CMIP: variants seen among roughly 807,000 people sequenced by gnomAD.
CMIP encodes the protein c-Maf inducing protein, also known as C-Maf-inducing protein.
CMIP carries 13 observed loss-of-function variants against 97.3 expected under a neutral mutation model. That is an observed-to-expected ratio of 0.13 (90% CI 0.09 to 0.21). The LOEUF (loss-of-function observed/expected upper bound fraction) is 0.21, where lower values mean the gene tolerates loss of function less well. CMIP is among the 10% of genes least tolerant of loss of function. CMIP has a pLI of 1.00. For missense variants in CMIP, 847 were observed against 1,024.9 expected (o/e 0.83, Z 2.37); for synonymous variants, 538 against 436.3 (o/e 1.23, Z -2.91).
At chr16:81,671,092 G>T (rs955632769) in intron 8 of CMIP, among the ~76,000 whole-genome samples, 1 of 152,194 alleles carries the variant, frequency 6.6e-6, no homozygotes. Context: ...GCCTCCCAAA[G>T]TGCTGGGATT....
chr16:81,650,021 A>C lies in CMIP; in HGVS notation c.478-2182A>C, dbSNP rs114176846. On this transcript the variant is annotated intron_variant, in intron 3 of 20. Coordinates refer to ENST00000537098, the MANE Select transcript of CMIP (RefSeq NM_198390.3). ...CTAGGACAGGGCGGCTTTGGTTGAC[A>C]GTAACTAGGAAGGAGGCTGGTTATG... Among the ~76,000 whole-genome samples the C allele has an allele frequency of 2.0e-5, 3 of 152,342 alleles. No individual in the cohort carries two copies. The East Asian group carries it at 5.8e-4, about 29-fold the overall frequency.
intron 1 of CMIP, among the ~76,000 whole-genome samples, chr16:81,514,290 C>T (rs924044761): frequency 3.3e-5 from 5 of 152,142 alleles, no homozygotes; most frequent in African/African-American, 7.2e-5. Context: ...GAAAGCTTCC[C>T]CTTTGTGGGG....
intron 1 of CMIP, among the ~76,000 whole-genome samples, chr16:81,502,494 C>G (rs1002477088): frequency 6.6e-6 from 1 of 152,142 alleles, no homozygotes; most frequent in African/African-American, 2.4e-5. Flanking sequence ...ACCCGCAGAA[C>G]GGAGATGTCC....
At chr16:81,708,894 A>G (rs372251753) in intron 20 of CMIP, among the ~76,000 whole-genome samples, 1 of 152,162 alleles carries the variant, frequency 6.6e-6, no homozygotes, top group Admixed American at 6.5e-5. Flanking sequence ...GCATGTGTGT[A>G]TGTGTGTGTG....
intron 1 of CMIP, among the ~76,000 whole-genome samples, chr16:81,446,312 G>T (rs1905838100): frequency 6.6e-6 from 1 of 152,210 alleles, no homozygotes; most frequent in African/African-American, 2.4e-5. Context: ...TAAATACATG[G>T]GTAGGACTGG....
At chr16:81,491,087 T>C (rs2089398181) in intron 1 of CMIP, among the ~76,000 whole-genome samples, 1 of 151,650 alleles carries the variant, frequency 6.6e-6, no homozygotes, top group Non-Finnish European at 1.5e-5. Context: ...GAGACTGGGG[T>C]AGGGGTTTTG....
In CMIP at chr16:81,445,157, G is replaced by T; in HGVS notation, c.-85G>T. ...CCTTCCCGGGGGGTGGGGGGGTGCGGGCCGCCGGATCCGGGGGCCCCGCCG... is the reference window on the plus strand; with the variant it reads ...CCTTCCCGGGGGGTGGGGGGGTGCGTGCCGCCGGATCCGGGGGCCCCGCCG... On this transcript the variant is annotated 5_prime_UTR_variant, in exon 1 of 21. Coordinates refer to ENST00000537098, the MANE Select transcript of CMIP (RefSeq NM_198390.3). 1 of 809,632 alleles carries T rather than the reference G, an allele frequency of 1.2e-6. No individual in the cohort carries two copies. Among genetic ancestry groups the T allele is most frequent in the Non-Finnish European group, 1.7e-6 (1 of 577,408 alleles). The allele number at this position is 809,632 out of a possible 1,614,324, so 50.2% of individuals were successfully genotyped here. A position where few individuals can be genotyped will look rare whatever the true frequency, so the allele number is the denominator to read the frequency against.
intron 1 of CMIP, among the ~76,000 whole-genome samples, chr16:81,552,116 T>C (rs1204904589): frequency 6.6e-6 from 1 of 152,156 alleles, no homozygotes; most frequent in African/African-American, 2.4e-5. Context: ...GACATCTGAC[T>C]GTCCAGGCCC....
intron 1 of CMIP, among the ~76,000 whole-genome samples, chr16:81,492,274 G>A (rs554073535): frequency 6.6e-6 from 1 of 152,112 alleles, no homozygotes; most frequent in Admixed American, 6.5e-5. Context: ...GTCCTCTCCG[G>A]GTGTCATTGT....
chr16:81,521,073 A>G (rs780515019), intron 1 of CMIP, among the ~76,000 whole-genome samples: 2 of 152,242 alleles, frequency 1.3e-5, no homozygotes, highest in African/African-American at 2.4e-5. Context: ...AATGTGCTTT[A>G]TACAAGATTT....
intron 1 of CMIP, among the ~76,000 whole-genome samples, chr16:81,449,863 G>T (rs1177808633): frequency 6.6e-6 from 1 of 152,224 alleles, no homozygotes; most frequent in Non-Finnish European, 1.5e-5. Context: ...GCATTTTAAG[G>T]AAGGAGTAAG....
At chr16:81,703,827 A>C in intron 17 of CMIP, 112 bp from the exon 18 acceptor site, 3 of 1,360,224 alleles carry the variant, frequency 2.2e-6, no homozygotes, top group Admixed American at 2.5e-5. Flanking sequence ...ACCGCCCCCC[A>C]GGAACAGCTC....
intron 1 of CMIP, among the ~76,000 whole-genome samples, chr16:81,542,539 C>G (rs944017403): frequency 6.6e-6 from 1 of 152,178 alleles, no homozygotes; most frequent in African/African-American, 2.4e-5. Flanking sequence ...GTCGTATTCT[C>G]CATCTGTGTT....
intron 1 of CMIP, among the ~76,000 whole-genome samples, chr16:81,573,981 G>A (rs1297128593): frequency 1.3e-5 from 2 of 152,002 alleles, no homozygotes; most frequent in African/African-American, 4.8e-5. Flanking sequence ...CCCAAGCCTA[G>A]GCTTGACCCC....
At chr16:81,636,945 C>T (rs2092244907) in intron 3 of CMIP, among the ~76,000 whole-genome samples, 1 of 151,452 alleles carries the variant, frequency 6.6e-6, no homozygotes, top group African/African-American at 2.4e-5. Context: ...GCATGTTGTG[C>T]AGGTGGAATC....
intron 1 of CMIP, among the ~76,000 whole-genome samples, chr16:81,584,547 A>T (rs1187950409): frequency 6.6e-6 from 1 of 152,206 alleles, no homozygotes; most frequent in Non-Finnish European, 1.5e-5. Context: ...TGGTCAGAGT[A>T]GTCTGTGAGA....
intron 3 of CMIP, among the ~76,000 whole-genome samples, chr16:81,638,773 C>T (rs1486552539): frequency 6.6e-6 from 1 of 152,156 alleles, no homozygotes; most frequent in Admixed American, 6.5e-5. Flanking sequence ...GAGGTGCCTC[C>T]TGTCCGCACA....
chr16:81,689,936 A>G (rs912932305), intron 10 of CMIP, among the ~76,000 whole-genome samples: 4 of 152,010 alleles, frequency 2.6e-5, no homozygotes, highest in East Asian at 1.9e-4. Flanking sequence ...TCTTGTTTTT[A>G]TCAGGTTTGT....
intron 1 of CMIP, among the ~76,000 whole-genome samples, chr16:81,579,295 C>G (rs1159355720): frequency 6.6e-6 from 1 of 152,164 alleles, no homozygotes; most frequent in Non-Finnish European, 1.5e-5. Context: ...TGGGGCAGCT[C>G]TCAGGTGTGG....
Sources: gnomAD v4.1 joint callset for allele counts (sites outside exome capture counted in the v4.1 genomes callset) on GRCh38, gnomAD v4.1.1 for gene constraint, MANE v1.5 for transcripts, NCBI Gene and HGNC (gene_info 2026-07-23, HGNC 2026-07-21) for gene names.